Variants in CDH13 observed in about 807,000 individuals in gnomAD.
CDH13 encodes the protein cadherin-13.
In CDH13, 24 loss-of-function variants were observed where a neutral mutation model predicts 63.8. The ratio of observed to expected loss-of-function variants is 0.38; its 90% CI spans 0.27 to 0.53. The LOEUF (loss-of-function observed/expected upper bound fraction) is 0.53, where lower values mean the gene tolerates loss of function less well. CDH13 is among the 20% of genes least tolerant of loss of function. The probability of loss-of-function intolerance (pLI) is 0.85; values close to 1 mark genes in which losing one functional copy is unlikely to be tolerated. For synonymous variants in CDH13, 503 were observed against 355.3 expected (o/e 1.42, Z -4.67); for missense variants, 1,049 against 903.1 (o/e 1.16, Z -2.07).
intron 13 of CDH13, among the ~76,000 whole-genome samples, chr16:83,786,479 GGACA>G (rs1361521703): frequency 1.3e-5 from 2 of 152,120 alleles, no homozygotes; most frequent in Admixed American, 6.5e-5. Flanking sequence ...ATGGACGCAT[GGACA>G]GACAGATGGA....
intron 8 of CDH13, among the ~76,000 whole-genome samples, chr16:83,659,309 C>T (rs907900505): frequency 4.0e-5 from 6 of 150,296 alleles, no homozygotes; most frequent in Non-Finnish European, 7.4e-5. Context: ...CCCGTATCCT[C>T]ACCAGCAAGG....
chr16:82,806,011 T>C (rs2037120452), intron 1 of CDH13, among the ~76,000 whole-genome samples: 1 of 152,186 alleles, frequency 6.6e-6, no homozygotes. Context: ...TTCATTGAGC[T>C]TACAAGGCAC....
In CDH13 at chr16:83,047,784, T is replaced by C. The variant is rs1365254155; in HGVS notation, c.366+15566T>C. ...GTAGTCAATTTATTTAGCTCAAACGTTGTGCGGGGCACCACTTTAAGTGCA... is the reference window on the plus strand; with the variant it reads ...GTAGTCAATTTATTTAGCTCAAACGCTGTGCGGGGCACCACTTTAAGTGCA... On this transcript the variant is annotated intron_variant, in intron 3 of 13. Coordinates refer to ENST00000567109, the MANE Select transcript of CDH13 (RefSeq NM_001257.5). The surrounding 1 kb of genome is among the most constrained non-coding windows in gnomAD (Gnocchi z 4.9). Among the ~76,000 whole-genome samples, 2 of 152,228 alleles carry C rather than the reference T, an allele frequency of 1.3e-5. No homozygotes were observed. Among genetic ancestry groups the C allele is most frequent in the Non-Finnish European group, 2.9e-5 (2 of 68,040 alleles).
intron 10 of CDH13, among the ~76,000 whole-genome samples, chr16:83,747,787 C>T (rs895651755): frequency 6.7e-6 from 1 of 149,314 alleles, no homozygotes; most frequent in Non-Finnish European, 1.5e-5. Flanking sequence ...GTGAAAGAAA[C>T]AAGACTGGAC....
At chr16:82,682,602 C>G (rs935285443) in intron 1 of CDH13, among the ~76,000 whole-genome samples, 1 of 152,204 alleles carries the variant, frequency 6.6e-6, no homozygotes, top group Non-Finnish European at 1.5e-5. Flanking sequence ...AATATCTACA[C>G]TATGTAATTA....
intron 1 of CDH13, among the ~76,000 whole-genome samples, chr16:82,792,370 G>A (rs2036354314): frequency 6.6e-6 from 1 of 152,236 alleles, no homozygotes; most frequent in Non-Finnish European, 1.5e-5. Flanking sequence ...TTGTGCGTGG[G>A]TGTGTGTGTG....
rs561687474 is a variant in CDH13, at chr16:83,444,028, T to C, written c.782-42449T>C. On this transcript the variant is annotated intron_variant, in intron 6 of 13. Coordinates refer to ENST00000567109, the MANE Select transcript of CDH13 (RefSeq NM_001257.5). The stretch of plus-strand genomic sequence containing the variant: ...AAGACGGTGGTGAAGGTGATGGCGA[T>C]GATCATGGTGATGATGATGGGCTGA... Among the ~76,000 whole-genome samples the C allele has an allele frequency of 2.7e-5, 4 of 150,882 alleles. No homozygotes were observed. The South Asian group carries it at 8.4e-4, about 32-fold the overall frequency.
At chr16:83,014,764 A>ATATATATATATATTTG (rs1567745633) in intron 2 of CDH13, among the ~76,000 whole-genome samples, 24 of 51,116 alleles carry the variant, frequency 4.7e-4, no homozygotes, top group Non-Finnish European at 6.8e-4. Context: ...ATATATATAT[A>ATATATATATATATTTG]TATATATATA....
intron 6 of CDH13, among the ~76,000 whole-genome samples, chr16:83,357,180 C>G (rs2091072936): frequency 6.6e-6 from 1 of 152,132 alleles, no homozygotes; most frequent in African/African-American, 2.4e-5. Flanking sequence ...CATCCAGACT[C>G]CAGAGCTGCT....
intron 1 of CDH13, among the ~76,000 whole-genome samples, chr16:82,756,108 A>C (rs1176163577): frequency 6.6e-6 from 1 of 152,216 alleles, no homozygotes; most frequent in Non-Finnish European, 1.5e-5. Context: ...TTCAATGTGT[A>C]AACTCTATCA....
In CDH13 at chr16:83,403,570, C is replaced by A. The variant is rs569383730; in HGVS notation, c.781+58564C>A. Among the ~76,000 whole-genome samples the A allele has an allele frequency of 2.6e-5, 4 of 152,132 alleles. No individual in the cohort carries two copies. In the South Asian group the frequency reaches 8.3e-4, roughly 32 times the overall value. ...CCTGGGAGGCAGAGCTTGCAGTGAC[C>A]CGAGATGGCACAATTGCAGTCCACT... On this transcript the variant is annotated intron_variant, in intron 6 of 13. Transcript: ENST00000567109.
intron 1 of CDH13, among the ~76,000 whole-genome samples, chr16:82,844,174 G>A (rs1342496013): frequency 6.6e-6 from 1 of 152,162 alleles, no homozygotes; most frequent in Non-Finnish European, 1.5e-5. Flanking sequence ...GTTAGAAACA[G>A]AAGACGATGT....
chr16:83,485,598 T>G (rs534903927), intron 6 of CDH13, among the ~76,000 whole-genome samples: 1 of 152,202 alleles, frequency 6.6e-6, no homozygotes, highest in African/African-American at 2.4e-5. Context: ...GAGGTCCCTT[T>G]GACTTGTTCC....
At chr16:83,699,847 G>A (rs576336170) in intron 10 of CDH13, among the ~76,000 whole-genome samples, 2 of 152,242 alleles carry the variant, frequency 1.3e-5, no homozygotes, top group South Asian at 4.2e-4. Context: ...CATCATCCCA[G>A]CATGTACCCA....
At chr16:82,983,539 T>A (rs1910555522) in intron 2 of CDH13, among the ~76,000 whole-genome samples, 1 of 152,088 alleles carries the variant, frequency 6.6e-6, no homozygotes, top group Non-Finnish European at 1.5e-5. Flanking sequence ...AACCAGACGA[T>A]GCAAACTCCT....
At chr16:82,713,135 GA>G (rs959252744) in intron 1 of CDH13, among the ~76,000 whole-genome samples, 4 of 151,982 alleles carry the variant, frequency 2.6e-5, no homozygotes, top group African/African-American at 9.7e-5. Context: ...ATAGCAACTC[GA>G]AGTCATTGTC....
At chr16:83,636,784 G>A (rs1911303428) in intron 8 of CDH13, among the ~76,000 whole-genome samples, 1 of 152,182 alleles carries the variant, frequency 6.6e-6, no homozygotes, top group African/African-American at 2.4e-5. Context: ...TCAGTGATGG[G>A]ATTGCTGGGC....
At chr16:83,282,696 A>G (rs2089210075) in intron 5 of CDH13, among the ~76,000 whole-genome samples, 1 of 152,240 alleles carries the variant, frequency 6.6e-6, no homozygotes, top group Non-Finnish European at 1.5e-5. Context: ...AAGTTGGCAA[A>G]GAAATAAGTT....
intron 1 of CDH13, among the ~76,000 whole-genome samples, chr16:82,761,304 C>T (rs971534967): frequency 3.3e-5 from 5 of 152,018 alleles, no homozygotes; most frequent in African/African-American, 9.7e-5. Context: ...AGACGTGAGC[C>T]GCCATGCCCG....
Sources: allele counts gnomAD v4.1 joint callset (sites outside exome capture counted in the v4.1 genomes callset), GRCh38; gene constraint gnomAD v4.1.1; non-coding constraint Gnocchi (gnomAD v3.1); transcripts MANE v1.5; gene names NCBI Gene and HGNC (gene_info 2026-07-23, HGNC 2026-07-21).